Variants in MKNK1 observed in about 807,000 individuals in gnomAD.
The protein encoded by MKNK1 is MAPK interacting serine/threonine kinase 1.
MKNK1 carries 30 observed loss-of-function variants against 49.3 expected under a neutral mutation model. That is an observed-to-expected ratio of 0.61 (90% confidence interval 0.46 to 0.83). The LOEUF is 0.83. Among genes scored for constraint, MKNK1 ranks in the 40% least tolerant of loss-of-function variants. The probability of loss-of-function intolerance (pLI) is 0.00; values close to 1 mark genes in which losing one functional copy is unlikely to be tolerated. For missense variants in MKNK1, 423 were observed against 524.7 expected (o/e 0.81, Z 1.89); for synonymous variants, 176 against 201.7 (o/e 0.87, Z 1.08).
chr1:46,565,144 G>C lies in MKNK1; in HGVS notation c.514-8C>G. Reference sequence around the variant, plus strand: ...GATTTTCACTGGAGACACCTGAAAAGGAAAACAGAAGACAGGGTCACAGAT... The same window carrying C: ...GATTTTCACTGGAGACACCTGAAAACGAAAACAGAAGACAGGGTCACAGAT... On this transcript the variant is annotated splice_region_variant and splice_polypyrimidine_tract_variant and intron_variant, in intron 8 of 12. Coordinates refer to ENST00000371945, the MANE Select transcript of MKNK1 (RefSeq NM_001135553.4). 6.2e-7 allele frequency: 1 copy of C among 1,613,548 alleles called. No individual in the cohort carries two copies. The highest frequency in any genetic ancestry group is 8.5e-7 in the Non-Finnish European group (1 of 1,179,458).
chr1:46,558,240 G>C lies in MKNK1; in HGVS notation c.*335C>G. ...CTCCCTGCAGGCTGCAGCCCCAGCC[G>C]CCACAGCTACAGCGGTGAGAGCAGG... On this transcript the variant is annotated 3_prime_UTR_variant, in exon 13 of 13. Transcript: ENST00000371945. 1 of 259,036 alleles carries C rather than the reference G, an allele frequency of 3.9e-6. No individual in the cohort carries two copies. The highest frequency in any genetic ancestry group is 7.3e-6 in the Non-Finnish European group (1 of 136,248). 16.0% of individuals were successfully genotyped at this position (259,036 alleles called of 1,614,324 possible).
intron 4 of MKNK1, among the ~76,000 whole-genome samples, chr1:46,577,253 T>A (rs1329635104): frequency 6.6e-6 from 1 of 152,006 alleles, no homozygotes; most frequent in African/African-American, 2.4e-5. Flanking sequence ...CTGAGGTGGG[T>A]GGATCACCTG....
At chr1:46,602,034 T>A (rs369747807) in intron 1 of MKNK1, among the ~76,000 whole-genome samples, 16 of 152,192 alleles carry the variant, frequency 1.1e-4, no homozygotes, top group African/African-American at 3.9e-4. Context: ...GATGTAAGCC[T>A]TGAAAGATGA....
chr1:46,559,982 G>GT (rs1048109441), intron 12 of MKNK1, among the ~76,000 whole-genome samples: 18 of 152,148 alleles, frequency 1.2e-4, no homozygotes, highest in Admixed American at 3.9e-4. Context: ...GGCAAAACAG[G>GT]TTTTTTTTCC....
chr1:46,571,199 C>T lies in MKNK1; in HGVS notation c.457+864G>A, dbSNP rs539428249. ...GAAGCGTAAATCAAATACTAGTAAC[C>T]TGTGAGTTACCAATGTGCTTTTCAA... On this transcript the variant is annotated intron_variant, in intron 7 of 12. Transcript: ENST00000371945. Among the ~76,000 whole-genome samples, 20 of 152,302 alleles carry T rather than the reference C, an allele frequency of 1.3e-4. 2 individuals carry two copies. The South Asian group carries it at 4.1e-3, about 32-fold the overall frequency.
At chr1:46,562,251 C>T (rs1236579929) in intron 10 of MKNK1, among the ~76,000 whole-genome samples, 2 of 151,854 alleles carry the variant, frequency 1.3e-5, no homozygotes, top group Non-Finnish European at 2.9e-5. Context: ...AAAAATTAGC[C>T]AGACGTGGTG....
intron 1 of MKNK1, among the ~76,000 whole-genome samples, chr1:46,597,031 G>T (rs1674159545): frequency 6.6e-6 from 1 of 152,064 alleles, no homozygotes; most frequent in African/African-American, 2.4e-5. Flanking sequence ...AGTTCTTAAA[G>T]ATTCTTAGCA....
In MKNK1 at chr1:46,558,680, G is replaced by C. The variant is rs1180001687; in HGVS notation, c.1134C>G (p.Leu378=). Residue 378 remains leucine (L), a synonymous_variant, in exon 13 of 13, where the codon CTC becomes CTG. Transcript: ENST00000371945. ...AGGGAGGGGAAAGCTTCATGGAGCA[G>C]AGGCCATCAGCTAGTGCCTCTGGCT... ...AEEPEALADG[L]CSMKLSPPCK... is the part of the protein sequence containing the mutation. 2 of 1,614,130 alleles carry C rather than the reference G, an allele frequency of 1.2e-6. No homozygotes were observed. The highest frequency in any genetic ancestry group is 2.7e-5 in the African/African-American group (2 of 74,962).
At chr1:46,583,181 T>C (rs1366872247) in intron 3 of MKNK1, 47 bp downstream of exon 3, 5 of 1,488,230 alleles carry the variant, frequency 3.4e-6, no homozygotes, top group Non-Finnish European at 4.7e-6. Context: ...GCTCCTCCCA[T>C]GCTTGGGAAG....
chr1:46,572,001 C>T, intron 7 of MKNK1, 62 bp downstream of exon 7: 2 of 1,492,152 alleles, frequency 1.3e-6, no homozygotes, highest in South Asian at 2.3e-5. Context: ...GGCCTACCAC[C>T]TCCCTTGGTA....
Position 46,604,208 on chromosome 1 carries a change from C to G in MKNK1, c.-194G>C, listed in dbSNP as rs1359913493. Reference sequence around the variant, plus strand: ...ACCTTCGCTGGCTCCCGCCGGGGAGCGGTCGCGCGCACCCCTACCTGCAGA... The same window carrying G: ...ACCTTCGCTGGCTCCCGCCGGGGAGGGGTCGCGCGCACCCCTACCTGCAGA... On this transcript the variant is annotated 5_prime_UTR_variant, in exon 1 of 13. Coordinates refer to ENST00000371945, the MANE Select transcript of MKNK1 (RefSeq NM_001135553.4). The G allele has an allele frequency of 6.6e-6, 1 of 152,244 alleles. No individual in the cohort carries two copies. The highest frequency in any genetic ancestry group is 1.9e-4 in the East Asian group (1 of 5,186). 9.4% of individuals were successfully genotyped at this position (152,244 alleles called of 1,614,324 possible). A position where few individuals can be genotyped will look rare whatever the true frequency, so the allele number is the denominator to read the frequency against.
intron 1 of MKNK1, among the ~76,000 whole-genome samples, chr1:46,595,792 G>A (rs911886278): frequency 1.3e-5 from 2 of 152,108 alleles, no homozygotes; most frequent in South Asian, 4.1e-4. Flanking sequence ...GGCTCCATTA[G>A]CCAGGCTGGA....
rs138170224 is a variant in MKNK1, at chr1:46,589,075, A to G, written c.-3+5038T>C. 3.8e-4 allele frequency among the ~76,000 whole-genome samples: 58 copies of G among 152,342 alleles called. No individual in the cohort carries two copies. Among genetic ancestry groups the G allele is most frequent in the African/African-American group, 1.3e-3 (56 of 41,588 alleles). Reference sequence around the variant, plus strand: ...CACTGACTTACTCTTCAATAATGCTATATTTATTGGGCACCTACTGATCGT... The same window carrying G: ...CACTGACTTACTCTTCAATAATGCTGTATTTATTGGGCACCTACTGATCGT... On this transcript the variant is annotated intron_variant, in intron 2 of 12. Transcript: ENST00000371945. The surrounding 1 kb of genome is among the most constrained non-coding windows in gnomAD (Gnocchi z 4.3).
intron 11 of MKNK1, 127 bp downstream of exon 11, chr1:46,561,351 A>G (rs1451939794): frequency 2.8e-6 from 3 of 1,053,444 alleles, no homozygotes; most frequent in Non-Finnish European, 4.0e-6. Flanking sequence ...ACTCAGGGAT[A>G]GACGCTGTCC....
intron 3 of MKNK1, among the ~76,000 whole-genome samples, chr1:46,581,981 G>A (rs1671817283): frequency 6.6e-6 from 1 of 152,128 alleles, no homozygotes. Context: ...GAGGCACCTA[G>A]CATTGAAACC....
chr1:46,573,129 A>T (rs756764072), intron 6 of MKNK1, among the ~76,000 whole-genome samples: 4 of 152,230 alleles, frequency 2.6e-5, no homozygotes, highest in African/African-American at 4.8e-5. Flanking sequence ...GAAGCCAAAA[A>T]GAAAAATGGT....
At chr1:46,581,871 A>G (rs1009477558) in intron 3 of MKNK1, among the ~76,000 whole-genome samples, 3 of 152,178 alleles carry the variant, frequency 2.0e-5, no homozygotes, top group Admixed American at 6.5e-5. Flanking sequence ...CAAAGAGCAC[A>G]GCTCTTTGAG....
At chr1:46,563,096 C>A (rs1668337449) in intron 9 of MKNK1, 2 of 434,328 alleles carry the variant, frequency 4.6e-6, no homozygotes, top group South Asian at 9.6e-5. Context: ...CTCCAGTAGG[C>A]AAAGACCCTT....
intron 6 of MKNK1, 174 bp downstream of exon 6, chr1:46,574,773 A>C: frequency 1.7e-6 from 1 of 577,348 alleles, no homozygotes; most frequent in Non-Finnish European, 3.1e-6. Context: ...GCTCTGCAAA[A>C]TGCTAATTAT....
Sources: allele counts gnomAD v4.1 joint callset (sites outside exome capture counted in the v4.1 genomes callset), GRCh38; gene constraint gnomAD v4.1.1; non-coding constraint Gnocchi (gnomAD v3.1); transcripts MANE v1.5; gene names NCBI Gene and HGNC (gene_info 2026-07-23, HGNC 2026-07-21).